SORBS2: variants seen among roughly 807,000 people sequenced by gnomAD.
SORBS2 encodes the protein sorbin and SH3 domain-containing protein 2.
Under a neutral mutation model 97.7 loss-of-function variants are expected in SORBS2, and 46 were observed. That is an observed-to-expected ratio of 0.47 (90% CI 0.37 to 0.60). The LOEUF is 0.60. SORBS2 is among the 20% of genes least tolerant of loss of function. The pLI, the probability that SORBS2 is intolerant of heterozygous loss-of-function variation, is 0.00. For missense variants in SORBS2, 1,316 were observed against 1,282.3 expected (o/e 1.03, Z -0.40); for synonymous variants, 476 against 473.4 (o/e 1.01, Z -0.07).
intron 4 of SORBS2, among the ~76,000 whole-genome samples, chr4:185,666,743 T>C (rs1466165120): frequency 6.6e-6 from 1 of 152,192 alleles, no homozygotes; most frequent in African/African-American, 2.4e-5. Context: ...TTAAATCTGT[T>C]CTTTGATTTC....
At chr4:185,659,728 T>C (rs530397413), upstream of SORBS2, among the ~76,000 whole-genome samples, 3 of 152,248 alleles carry the variant, frequency 2.0e-5, no homozygotes, top group South Asian at 6.2e-4. Flanking sequence ...GCTAAGCTAG[T>C]CCTTATTAAG....
At chr4:185,714,104 G>C (rs142903115) in intron 2 of SORBS2, among the ~76,000 whole-genome samples, 1 of 152,136 alleles carries the variant, frequency 6.6e-6, no homozygotes, top group Non-Finnish European at 1.5e-5. Flanking sequence ...TGGATATATG[G>C]TTGATTTTCT....
At chr4:185,771,520 A>G (rs1453997850) in intron 2 of SORBS2, 4 of 152,210 alleles carry the variant, frequency 2.6e-5, no homozygotes, top group African/African-American at 9.6e-5. Context: ...GCCAGTGCTA[A>G]AAAGCAGCTT....
intron 2 of SORBS2, among the ~76,000 whole-genome samples, chr4:185,690,963 G>A (rs1320010466): frequency 6.6e-6 from 1 of 151,416 alleles, no homozygotes; most frequent in Non-Finnish European, 1.5e-5. Context: ...GTAGTGGTGC[G>A]ATCTTGGCTC....
At chr4:185,799,145 G>A (rs1585026142) in intron 1 of SORBS2, among the ~76,000 whole-genome samples, 2 of 152,252 alleles carry the variant, frequency 1.3e-5, no homozygotes, top group East Asian at 3.9e-4. Context: ...AATGCTCAGA[G>A]GAAATACTCT....
At chr4:185,636,686 T>C (rs867453822) in intron 4 of SORBS2, among the ~76,000 whole-genome samples, 94 of 150,340 alleles carry the variant, frequency 6.3e-4, no homozygotes, top group African/African-American at 2.1e-3. Context: ...TCTCACTCTG[T>C]CGCCCAGGCT....
At chr4:185,638,034 A>T (rs762844633) in intron 4 of SORBS2, 45 bp downstream of exon 15, 4 of 1,138,392 alleles carry the variant, frequency 3.5e-6, no homozygotes, top group South Asian at 1.2e-5. Context: ...GAAATCAAAC[A>T]GTATACTCCT....
rs557766637 is a variant in SORBS2, at chr4:185,710,368, G to A, written c.-197-31546C>T. ...ATAACAGCATGCTAGTGGCCAAAAG[G>A]CATGAAGTGTTCAAACTTATTCAAA... On this transcript the variant is annotated intron_variant, in intron 2 of 20. Transcript: ENST00000284776. Among the ~76,000 whole-genome samples, 11 of 152,302 alleles carry A rather than the reference G, an allele frequency of 7.2e-5. No homozygotes were observed. In the South Asian group the frequency reaches 2.3e-3, roughly 32 times the overall value.
chr4:185,638,205 AGC>A (rs778329879), intron 4 of SORBS2, 43 bp from the exon 15 acceptor site: 5 of 1,198,882 alleles, frequency 4.2e-6, no homozygotes, highest in Non-Finnish European at 6.2e-6. Flanking sequence ...AGGCACACTG[AGC>A]AAAGTGAGGG....
intron 1 of SORBS2, among the ~76,000 whole-genome samples, chr4:185,882,693 T>C (rs2099237473): frequency 6.6e-6 from 1 of 152,172 alleles, no homozygotes; most frequent in South Asian, 2.1e-4. Context: ...AGACTTACCA[T>C]AGGACTGTGA....
At chr4:185,903,428 G>A (rs1158291881) in intron 1 of SORBS2, among the ~76,000 whole-genome samples, 1 of 152,218 alleles carries the variant, frequency 6.6e-6, no homozygotes, top group East Asian at 1.9e-4. Flanking sequence ...TTGACATGTG[G>A]ATACATGAGG....
exon 7 of SORBS2, chr4:185,624,375 A>T (rs551166167): frequency 4.3e-6 from 7 of 1,614,176 alleles, no homozygotes; most frequent in South Asian, 1.1e-5. Flanking sequence ...GCTCTTGGTG[A>T]GTCCCGAGGG....
intron 1 of SORBS2, among the ~76,000 whole-genome samples, chr4:185,909,881 G>A (rs1056168005): frequency 6.6e-5 from 10 of 151,696 alleles, no homozygotes; most frequent in African/African-American, 2.4e-4. Flanking sequence ...CTACTCAGGA[G>A]GATGAGGCAG....
intron 1 of SORBS2, among the ~76,000 whole-genome samples, chr4:185,875,436 G>A (rs185976083): frequency 2.8e-4 from 43 of 152,268 alleles, no homozygotes; most frequent in African/African-American, 9.9e-4. Context: ...AACGTCTCCC[G>A]GAGGCAGGGA....
intron 1 of SORBS2, among the ~76,000 whole-genome samples, chr4:185,890,732 A>G (rs2099242061): frequency 6.6e-6 from 1 of 152,106 alleles, no homozygotes. Flanking sequence ...TGCACTCAGG[A>G]GCATGGGGAC....
chr4:185,644,372 A>T (rs982519191), intron 4 of SORBS2, among the ~76,000 whole-genome samples: 1 of 152,206 alleles, frequency 6.6e-6, no homozygotes, highest in Non-Finnish European at 1.5e-5. Context: ...CTTAGGGCCT[A>T]AGTTTCTGAT....
intron 2 of SORBS2, among the ~76,000 whole-genome samples, chr4:185,699,871 C>T (rs1250694996): frequency 6.6e-6 from 1 of 152,086 alleles, no homozygotes; most frequent in Admixed American, 6.5e-5. Flanking sequence ...CATTGTTATT[C>T]AGACATTTGA....
chr4:185,854,821 T>A (rs948952585), intron 1 of SORBS2, among the ~76,000 whole-genome samples: 1 of 149,542 alleles, frequency 6.7e-6, no homozygotes, highest in African/African-American at 2.5e-5. Flanking sequence ...GAGAGAGCCT[T>A]AGTTAGTTTA....
intron 2 of SORBS2, among the ~76,000 whole-genome samples, chr4:185,726,265 C>T (rs2098553942): frequency 6.6e-6 from 1 of 152,154 alleles, no homozygotes; most frequent in Non-Finnish European, 1.5e-5. Flanking sequence ...CCCTCTCACT[C>T]ATTTAAACTA....
Sources: gnomAD v4.1 joint callset for allele counts (sites outside exome capture counted in the v4.1 genomes callset) on GRCh38, gnomAD v4.1.1 for gene constraint, MANE v1.5 for transcripts, NCBI Gene and HGNC (gene_info 2026-07-23, HGNC 2026-07-21) for gene names.